CFAP299: variants seen among roughly 807,000 people sequenced by gnomAD.
The protein encoded by CFAP299 is cilia- and flagella-associated protein 299.
CFAP299 carries 21 observed loss-of-function variants against 27.0 expected under a neutral mutation model. The ratio of observed to expected loss-of-function variants is 0.78; its 90% CI spans 0.55 to 1.12. The LOEUF (loss-of-function observed/expected upper bound fraction) is 1.12, where lower values mean the gene tolerates loss of function less well. CFAP299 is among the 50% of genes most tolerant of loss of function. The pLI is 0.00. For missense variants in CFAP299, 310 were observed against 276.6 expected, an observed-to-expected ratio of 1.12 and a Z score of -0.86; for synonymous variants, 104 against 98.1, an observed-to-expected ratio of 1.06 and a Z score of -0.36.
chr4:80,863,201 C>CTTTT (rs71664821), intron 3 of CFAP299, among the ~76,000 whole-genome samples: 82 of 133,574 alleles, frequency 6.1e-4, no homozygotes, highest in East Asian at 2.2e-3. Context: ...GCTTAGCATG[C>CTTTT]TTTTTTTTTT....
intron 3 of CFAP299, among the ~76,000 whole-genome samples, chr4:80,814,073 G>C (rs1393731149): frequency 6.6e-6 from 1 of 151,838 alleles, no homozygotes; most frequent in Non-Finnish European, 1.5e-5. Flanking sequence ...CAAAAGTACT[G>C]GAAAGTTTTA....
At chr4:80,791,039 C>T (rs1727533657) in intron 3 of CFAP299, among the ~76,000 whole-genome samples, 1 of 151,872 alleles carries the variant, frequency 6.6e-6, no homozygotes. Context: ...CCCTAACATC[C>T]CCACCAAAAA....
At chr4:80,768,193 T>G (rs1726004308) in intron 3 of CFAP299, among the ~76,000 whole-genome samples, 2 of 152,216 alleles carry the variant, frequency 1.3e-5, no homozygotes, top group Admixed American at 1.3e-4. Flanking sequence ...ACACCTAAGA[T>G]TCTAAAAACA....
At position 80,800,548 on chromosome 4, in the gene CFAP299, ATC is replaced by A. The variant is rs72471564; in HGVS notation, c.334-69444_334-69443del. ...TAATATATTATATAATATATAATAT[ATC>A]AATATATTATATAATATATTAATAT... On this transcript the variant is annotated intron_variant, in intron 3 of 5. Coordinates refer to ENST00000358105, the MANE Select transcript of CFAP299 (RefSeq NM_152770.3). Among the ~76,000 whole-genome samples the A allele has an allele frequency of 8.9e-4, 35 of 39,228 alleles. 2 individuals carry two copies. The highest frequency in any genetic ancestry group is 1.9e-3 in the Admixed American group (4 of 2,126). 25.7% of individuals were successfully genotyped at this position (39,228 alleles called of 152,430 possible).
At chr4:80,898,673 G>A (rs540583760) in intron 4 of CFAP299, among the ~76,000 whole-genome samples, 167 of 152,108 alleles carry the variant, frequency 1.1e-3, no homozygotes, top group African/African-American at 3.3e-3. Context: ...CCAGCTGTAA[G>A]ATAATCTGAG....
At chr4:80,903,321 G>A (rs1735020525) in intron 4 of CFAP299, among the ~76,000 whole-genome samples, 3 of 151,792 alleles carry the variant, frequency 2.0e-5, no homozygotes, top group South Asian at 2.1e-4. Context: ...GATAAATTGG[G>A]GAAGGATAAA....
intron 3 of CFAP299, among the ~76,000 whole-genome samples, chr4:80,853,282 C>A (rs1307262915): frequency 6.6e-6 from 1 of 152,156 alleles, no homozygotes; most frequent in Non-Finnish European, 1.5e-5. Context: ...TCACCCGCCT[C>A]GACCTCCCAA....
intron 2 of CFAP299, among the ~76,000 whole-genome samples, chr4:80,475,671 C>T (rs1730238669): frequency 6.6e-6 from 1 of 152,126 alleles, no homozygotes; most frequent in East Asian, 1.9e-4. Context: ...AGATGGTAGT[C>T]CACTGTTGAT....
chr4:80,460,736 G>A (rs995517740), intron 2 of CFAP299, among the ~76,000 whole-genome samples: 3 of 152,046 alleles, frequency 2.0e-5, no homozygotes, highest in Non-Finnish European at 2.9e-5. Flanking sequence ...TTTCATACTT[G>A]GTTTGCCATT....
At chr4:80,626,972 T>C (rs923334816) in intron 3 of CFAP299, among the ~76,000 whole-genome samples, 2 of 151,680 alleles carry the variant, frequency 1.3e-5, no homozygotes, top group Non-Finnish European at 3.0e-5. Flanking sequence ...GAGATGAAAC[T>C]TTCAAACTTA....
chr4:80,481,635 A>C (rs1023847718), intron 2 of CFAP299, among the ~76,000 whole-genome samples: 1 of 152,022 alleles, frequency 6.6e-6, no homozygotes, highest in South Asian at 2.1e-4. Flanking sequence ...TTATTTCCTT[A>C]TTTTACAGAT....
At chr4:80,797,069 A>G (rs1477217500) in intron 3 of CFAP299, among the ~76,000 whole-genome samples, 2 of 152,094 alleles carry the variant, frequency 1.3e-5, no homozygotes, top group Admixed American at 6.6e-5. Context: ...GAGAACCACA[A>G]TGACATTTTG....
chr4:80,863,147 A>T (rs1055467270), intron 3 of CFAP299, among the ~76,000 whole-genome samples: 1 of 150,894 alleles, frequency 6.6e-6, no homozygotes, highest in Non-Finnish European at 1.5e-5. Context: ...GACAGCTCTC[A>T]TTCCCTGGAA....
intron 3 of CFAP299, among the ~76,000 whole-genome samples, chr4:80,602,860 A>T (rs1440015788): frequency 6.6e-6 from 1 of 152,102 alleles, no homozygotes; most frequent in Non-Finnish European, 1.5e-5. Context: ...TCTCTGCTGG[A>T]ACACTGGCCA....
chr4:80,712,871 T>G (rs1722254389), intron 3 of CFAP299, among the ~76,000 whole-genome samples: 1 of 152,196 alleles, frequency 6.6e-6, no homozygotes. Context: ...GCTTCAAACC[T>G]GCAAATGGAG....
At chr4:80,947,453 C>T (rs1050846713) in intron 5 of CFAP299, among the ~76,000 whole-genome samples, 3 of 152,162 alleles carry the variant, frequency 2.0e-5, no homozygotes, top group Non-Finnish European at 2.9e-5. Context: ...GATAAATTCA[C>T]TCAACTTCCC....
the CFAP299 span, among the ~76,000 whole-genome samples, chr4:80,322,022 A>C: frequency 6.6e-6 from 1 of 152,158 alleles, no homozygotes; most frequent in Non-Finnish European, 1.5e-5. Context: ...GAGATGGGGA[A>C]GTGCAGAGCC....
chr4:80,740,622 G>T (rs1193880978), intron 3 of CFAP299, among the ~76,000 whole-genome samples: 2 of 152,178 alleles, frequency 1.3e-5, no homozygotes, highest in Non-Finnish European at 2.9e-5. Context: ...AGGGTAGTGA[G>T]TTCCCACAGG....
At chr4:80,866,073 A>ATATATATATATATG in intron 3 of CFAP299, among the ~76,000 whole-genome samples, 1 of 106,324 alleles carries the variant, frequency 9.4e-6, no homozygotes, top group African/African-American at 3.5e-5. Context: ...ATATATATAT[A>ATATATATATATATG]TATATATATA....
Sources: allele counts gnomAD v4.1 joint callset (sites outside exome capture counted in the v4.1 genomes callset), GRCh38; gene constraint gnomAD v4.1.1; transcripts MANE v1.5; gene names NCBI Gene and HGNC (gene_info 2026-07-23, HGNC 2026-07-21).